The following LMBR1 variants were observed in gnomAD, a reference collection of about 807,000 sequenced individuals.
LMBR1 encodes the protein limb region 1 protein homolog.
In LMBR1, 52 loss-of-function variants were observed where a neutral mutation model predicts 73.9. That is an observed-to-expected ratio of 0.70 (90% CI 0.56 to 0.89). The LOEUF is 0.89. LMBR1 is among the 40% of genes least tolerant of loss of function. The probability of loss-of-function intolerance (pLI) is 0.00; values close to 1 mark genes in which losing one functional copy is unlikely to be tolerated. For missense variants in LMBR1, 539 were observed against 579.8 expected, an observed-to-expected ratio of 0.93 and a Z score of 0.72; for synonymous variants, 215 against 209.4, an observed-to-expected ratio of 1.03 and a Z score of -0.23.
At chr7:156,819,826 G>T (rs1378248475) in intron 4 of LMBR1, among the ~76,000 whole-genome samples, 2 of 152,032 alleles carry the variant, frequency 1.3e-5, no homozygotes, top group African/African-American at 4.8e-5. Flanking sequence ...CCCATCCTGT[G>T]GTTGTCTCCT....
At chr7:156,792,828 A>T (rs975514232) in intron 5 of LMBR1, among the ~76,000 whole-genome samples, 1 of 152,144 alleles carries the variant, frequency 6.6e-6, no homozygotes, top group Admixed American at 6.6e-5. Flanking sequence ...GCCCAGGGGA[A>T]TCCATGGGAG....
rs1054832198 is a variant in LMBR1 at position 156,697,226 on chromosome 7, A to T, written c.1226-9035T>A. 2.0e-5 allele frequency among the ~76,000 whole-genome samples: 3 copies of T among 152,112 alleles called. No individual in the cohort carries two copies. The East Asian group carries it at 5.8e-4, about 29-fold the overall frequency. On this transcript the variant is annotated intron_variant, in intron 15 of 16. Transcript: ENST00000353442. ...GTAGGTACAAAGATCACATGCTTCAAAGGGCAAAAAGCAGAACTACTAATA... is the reference window on the plus strand; with the variant it reads ...GTAGGTACAAAGATCACATGCTTCATAGGGCAAAAAGCAGAACTACTAATA...
chr7:156,820,705 G>A (rs143462209), intron 4 of LMBR1, among the ~76,000 whole-genome samples: 62 of 152,248 alleles, frequency 4.1e-4, no homozygotes, highest in African/African-American at 1.4e-3. Context: ...TCTGGACTTC[G>A]AAGACAACAC....
chr7:156,730,829 C>T (rs925383583), intron 10 of LMBR1, among the ~76,000 whole-genome samples: 4 of 150,710 alleles, frequency 2.7e-5, no homozygotes, highest in South Asian at 2.2e-4. Flanking sequence ...CCCAGTTACT[C>T]GGGAGGCTGA....
intron 5 of LMBR1, among the ~76,000 whole-genome samples, chr7:156,769,910 G>A (rs1824863415): frequency 6.6e-6 from 1 of 152,098 alleles, no homozygotes; most frequent in Non-Finnish European, 1.5e-5. Flanking sequence ...AATGGCCCAG[G>A]TAAAGAGCAG....
chr7:156,845,388 G>C (rs991119631), intron 1 of LMBR1, among the ~76,000 whole-genome samples: 2 of 151,898 alleles, frequency 1.3e-5, no homozygotes, highest in African/African-American at 4.8e-5. Flanking sequence ...ACACTTCTTT[G>C]AAATTACCCT....
intron 4 of LMBR1, among the ~76,000 whole-genome samples, chr7:156,671,064 C>A (rs184197974): frequency 2.0e-5 from 3 of 152,240 alleles, no homozygotes; most frequent in Admixed American, 6.5e-5. Context: ...CCAATTTAGA[C>A]CTTAATAATG....
intron 5 of LMBR1, among the ~76,000 whole-genome samples, chr7:156,774,606 C>T (rs770474831): frequency 1.3e-5 from 2 of 152,094 alleles, no homozygotes; most frequent in African/African-American, 2.4e-5. Flanking sequence ...CTGAGGTGGG[C>T]AGATCATCTG....
At position 156,680,376 on chromosome 7, in the gene LMBR1, C is replaced by CAGAGAGAGAGAGAG. The variant is rs376130225; in HGVS notation, c.*3688_*3701dup. 48 of 141,264 alleles carry CAGAGAGAGAGAGAG rather than the reference C, an allele frequency of 3.4e-4. No individual in the cohort carries two copies. Among genetic ancestry groups the CAGAGAGAGAGAGAG allele is most frequent in the South Asian group, 1.1e-3 (5 of 4,386 alleles). 8.8% of individuals were successfully genotyped at this position (141,264 alleles called of 1,614,324 possible). A position where few individuals can be genotyped will look rare whatever the true frequency, so the allele number is the denominator to read the frequency against. On this transcript the variant is annotated 3_prime_UTR_variant, in exon 17 of 17. Transcript: ENST00000353442. ...TTTTTGCTTATACGTATCTGAGAGA[C>CAGAGAGAGAGAGAG]AGAGAGAGAGAGAGAGAGAGAGAGA... is the stretch of plus-strand genomic sequence containing the variant.
chr7:156,728,628 G>T lies in LMBR1; in HGVS notation c.915+16C>A. On this transcript the variant is annotated intron_variant, in intron 11 of 16. Coordinates refer to ENST00000353442, the MANE Select transcript of LMBR1 (RefSeq NM_022458.4). ...ATATAATTTGCTTTTATTTAACTAG[G>T]CAAATAAATTCTTACTGTCTCAATA... 1.3e-6 allele frequency: 2 copies of T among 1,554,630 alleles called. No individual in the cohort carries two copies. The highest frequency in any genetic ancestry group is 1.7e-6 in the Non-Finnish European group (2 of 1,148,656).
chr7:156,676,905 G>C (rs1000888263), downstream of LMBR1: 1 of 443,564 alleles, frequency 2.3e-6, no homozygotes, highest in Non-Finnish European at 4.1e-6. Flanking sequence ...CAAAAAATGA[G>C]AGCTTGCTTA....
At chr7:156,821,824 C>T (rs1338795135) in intron 4 of LMBR1, among the ~76,000 whole-genome samples, 1 of 152,180 alleles carries the variant, frequency 6.6e-6, no homozygotes, top group Non-Finnish European at 1.5e-5. Flanking sequence ...ACAAAGTCAC[C>T]ATGATGGTAG....
chr7:156,890,315 A>G (rs1802674523), intron 1 of LMBR1, among the ~76,000 whole-genome samples: 1 of 151,758 alleles, frequency 6.6e-6, no homozygotes, highest in African/African-American at 2.4e-5. Flanking sequence ...AAGTACTCAA[A>G]AAAATTTTAA....
At chr7:156,752,244 A>C (rs1821041101) in intron 9 of LMBR1, among the ~76,000 whole-genome samples, 1 of 152,226 alleles carries the variant, frequency 6.6e-6, no homozygotes, top group African/African-American at 2.4e-5. Flanking sequence ...TTCAAAACAA[A>C]ATGTGAAACC....
At chr7:156,883,955 T>C (rs1801496218) in intron 1 of LMBR1, among the ~76,000 whole-genome samples, 1 of 152,196 alleles carries the variant, frequency 6.6e-6, no homozygotes, top group Non-Finnish European at 1.5e-5. Flanking sequence ...GATTACCACA[T>C]GGATTACCAA....
chr7:156,680,022 T>C lies in LMBR1; in HGVS notation c.*4056A>G, dbSNP rs906624721. The C allele has an allele frequency of 1.3e-5, 2 of 152,190 alleles. No homozygotes were observed. The highest frequency in any genetic ancestry group is 4.8e-5 in the African/African-American group (2 of 41,444). The allele number at this position is 152,190 out of a possible 1,614,324, so 9.4% of individuals were successfully genotyped here. Reference sequence around the variant, plus strand: ...CCAAGTTTTGAAATTTTGTATATATTTGTGAGTTTTAGGAACTTCTCCTGA... The same window carrying C: ...CCAAGTTTTGAAATTTTGTATATATCTGTGAGTTTTAGGAACTTCTCCTGA... On this transcript the variant is annotated 3_prime_UTR_variant, in exon 17 of 17. Transcript: ENST00000353442.
At chr7:156,781,082 T>A (rs1009012191) in intron 5 of LMBR1, among the ~76,000 whole-genome samples, 1 of 152,260 alleles carries the variant, frequency 6.6e-6, no homozygotes, top group African/African-American at 2.4e-5. Context: ...TTAGCCAATA[T>A]CCACTTTCAT....
chr7:156,781,854 T>C (rs1313217289), intron 5 of LMBR1, among the ~76,000 whole-genome samples: 3 of 152,190 alleles, frequency 2.0e-5, no homozygotes, highest in Non-Finnish European at 2.9e-5. Context: ...TTCACCATCG[T>C]AACCATTTTT....
chr7:156,761,353 C>G (rs572950410), intron 8 of LMBR1, among the ~76,000 whole-genome samples: 1 of 152,212 alleles, frequency 6.6e-6, no homozygotes, highest in Non-Finnish European at 1.5e-5. Context: ...ATTAGAATTA[C>G]AATCAACTGA....
Sources: gnomAD v4.1 joint callset for allele counts (sites outside exome capture counted in the v4.1 genomes callset) on GRCh38, gnomAD v4.1.1 for gene constraint, MANE v1.5 for transcripts, NCBI Gene and HGNC (gene_info 2026-07-23, HGNC 2026-07-21) for gene names.